The following ZNF438 variants were observed in gnomAD, a reference collection of about 807,000 sequenced individuals.
The protein encoded by ZNF438 is zinc finger protein 438.
A neutral mutation model predicts 38.0 loss-of-function variants in ZNF438; 25 were observed. That is an observed-to-expected ratio of 0.66 (90% CI 0.48 to 0.92). The LOEUF (loss-of-function observed/expected upper bound fraction) is 0.92. Among genes scored for constraint, ZNF438 ranks in the 40% least tolerant of loss-of-function variants. ZNF438 has a pLI of 0.00. For synonymous variants in ZNF438, 372 were observed against 364.1 expected (o/e 1.02, Z -0.25); for missense variants, 1,007 against 999.6 (o/e 1.01, Z -0.10).
At chr10:31,022,289 T>C (rs1176830256) in intron 1 of ZNF438, among the ~76,000 whole-genome samples, 1 of 150,512 alleles carries the variant, frequency 6.6e-6, no homozygotes. Context: ...TGAGACGGAG[T>C]CTCACTCTGT....
In ZNF438 at chr10:30,982,162, C is replaced by T. The variant is rs545157646; in HGVS notation, c.-191-40511G>A. On this transcript the variant is annotated intron_variant, in intron 1 of 5. Transcript: ENST00000413025. ...TGTCACCCAGGCTGGAGTACAGTGGCGCGATCTCGGCTCACTGCGAACTCC... is the reference window on the plus strand; with the variant it reads ...TGTCACCCAGGCTGGAGTACAGTGGTGCGATCTCGGCTCACTGCGAACTCC... 8.0e-5 allele frequency among the ~76,000 whole-genome samples: 12 copies of T among 149,736 alleles called. No individual in the cohort carries two copies. The South Asian group carries it at 1.3e-3, about 16-fold the overall frequency.
intron 1 of ZNF438, among the ~76,000 whole-genome samples, chr10:30,983,272 C>T (rs114158099): frequency 6.6e-6 from 1 of 152,170 alleles, no homozygotes; most frequent in Non-Finnish European, 1.5e-5. Context: ...AAAGAACTAT[C>T]TGAGACTGGG....
intron 1 of ZNF438, among the ~76,000 whole-genome samples, chr10:30,974,079 A>T (rs1344812898): frequency 6.6e-6 from 1 of 152,240 alleles, no homozygotes; most frequent in Non-Finnish European, 1.5e-5. Context: ...CCTACCTCCC[A>T]GTACCCTCAA....
intron 1 of ZNF438, among the ~76,000 whole-genome samples, chr10:31,016,710 T>C (rs1477118762): frequency 6.6e-6 from 1 of 152,204 alleles, no homozygotes; most frequent in African/African-American, 2.4e-5. Context: ...TTAATACAAA[T>C]ATGTTTTTAA....
At chr10:30,905,076 C>T (rs2042438302) in intron 3 of ZNF438, among the ~76,000 whole-genome samples, 1 of 152,184 alleles carries the variant, frequency 6.6e-6, no homozygotes, top group Non-Finnish European at 1.5e-5. Flanking sequence ...TTGTGATATA[C>T]TTCACATACT....
At chr10:30,967,873 C>T (rs1425998797) in intron 1 of ZNF438, among the ~76,000 whole-genome samples, 1 of 152,146 alleles carries the variant, frequency 6.6e-6, no homozygotes, top group Non-Finnish European at 1.5e-5. Flanking sequence ...GAAGGAACTA[C>T]ACAGGAAATG....
intron 4 of ZNF438, among the ~76,000 whole-genome samples, chr10:30,867,516 C>G (rs1053071062): frequency 1.1e-4 from 17 of 152,008 alleles, no homozygotes; most frequent in Admixed American, 2.6e-4. Context: ...CAGATACAAC[C>G]CATACAAGCA....
At chr10:30,891,934 C>T (rs932066069) in intron 3 of ZNF438, among the ~76,000 whole-genome samples, 7 of 152,176 alleles carry the variant, frequency 4.6e-5, no homozygotes, top group African/African-American at 1.7e-4. Context: ...AAGTTACCAA[C>T]ACAACAAAGA....
At chr10:30,861,619 A>G (rs1317182364) in intron 4 of ZNF438, among the ~76,000 whole-genome samples, 1 of 152,252 alleles carries the variant, frequency 6.6e-6, no homozygotes, top group Admixed American at 6.5e-5. Flanking sequence ...TTTACCACTT[A>G]AAATATATTT....
At chr10:30,846,517 G>C (rs1276746033) in intron 5 of ZNF438, among the ~76,000 whole-genome samples, 1 of 152,242 alleles carries the variant, frequency 6.6e-6, no homozygotes, top group African/African-American at 2.4e-5. Flanking sequence ...AGTGGGTAGA[G>C]AGGGGCCCTG....
chr10:30,865,940 T>G (rs760245819), intron 4 of ZNF438, among the ~76,000 whole-genome samples: 1 of 152,210 alleles, frequency 6.6e-6, no homozygotes, highest in Non-Finnish European at 1.5e-5. Flanking sequence ...GAATACTCTT[T>G]TCATACTCAT....
At chr10:30,946,465 C>T (rs1213276930) in intron 1 of ZNF438, among the ~76,000 whole-genome samples, 1 of 152,032 alleles carries the variant, frequency 6.6e-6, no homozygotes, top group East Asian at 1.9e-4. Flanking sequence ...GGCTAATATC[C>T]AGAATCTACA....
rs115197452 is a variant in ZNF438, at chr10:30,883,807, C to T, written c.-31-6742G>A. On this transcript the variant is annotated intron_variant, in intron 3 of 5. Coordinates refer to ENST00000413025, the Ensembl canonical transcript of ZNF438. ...AAGCTGAGGTGGGAGGATCCCTTGA[C>T]GACAGGAGGTTGAGGTTGCAGTGAG... 5.4e-3 allele frequency among the ~76,000 whole-genome samples: 821 copies of T among 152,236 alleles called. 7 individuals are homozygous for T. Among genetic ancestry groups the T allele is most frequent in the African/African-American group, 0.019 (786 of 41,528 alleles).
chr10:30,889,150 G>A (rs2040359706), intron 3 of ZNF438, among the ~76,000 whole-genome samples: 1 of 152,028 alleles, frequency 6.6e-6, no homozygotes, highest in African/African-American at 2.4e-5. Context: ...ATTCTTCATT[G>A]GCTCAACTGT....
chr10:30,907,479 G>A (rs190176856), intron 3 of ZNF438, among the ~76,000 whole-genome samples: 133 of 152,230 alleles, frequency 8.7e-4, no homozygotes, highest in African/African-American at 3.2e-3. Flanking sequence ...TCACAGTGAG[G>A]ACATATGGGC....
chr10:30,845,070 T>C, exon 6 of ZNF438: 1 of 1,614,176 alleles, frequency 6.2e-7, no homozygotes, highest in Non-Finnish European at 8.5e-7. Context: ...CTTCCAGTGG[T>C]GGAGGAGGTC....
At chr10:30,845,666 A>G (rs1477045058) in intron 5 of ZNF438, 93 bp from the exon 7 acceptor site, 10 of 1,446,324 alleles carry the variant, frequency 6.9e-6, no homozygotes, top group African/African-American at 5.7e-5. Flanking sequence ...GATCTAAAAC[A>G]TAACACTGAC....
chr10:30,990,435 T>G (rs2053359927), intron 1 of ZNF438, among the ~76,000 whole-genome samples: 1 of 152,154 alleles, frequency 6.6e-6, no homozygotes, highest in Admixed American at 6.6e-5. Flanking sequence ...ACCAGCAGCC[T>G]CAGCCTCACT....
intron 1 of ZNF438, among the ~76,000 whole-genome samples, chr10:30,991,924 C>T (rs1456859031): frequency 6.6e-6 from 1 of 152,178 alleles, no homozygotes; most frequent in Non-Finnish European, 1.5e-5. Flanking sequence ...AGTGGCTGAA[C>T]AATAAGCTCT....
Sources: allele counts gnomAD v4.1 joint callset (sites outside exome capture counted in the v4.1 genomes callset), GRCh38; gene constraint gnomAD v4.1.1; transcripts MANE v1.5; gene names NCBI Gene and HGNC (gene_info 2026-07-23, HGNC 2026-07-21).